The following SORCS2 variants were observed in gnomAD, a reference collection of about 807,000 sequenced individuals.
SORCS2 encodes sortilin related VPS10 domain containing receptor 2.
SORCS2 carries 100 observed loss-of-function variants against 141.6 expected under a neutral mutation model. The observed-to-expected ratio is 0.71, with a 90% CI of 0.60 to 0.83. The LOEUF (loss-of-function observed/expected upper bound fraction) is 0.83. SORCS2 is among the 40% of genes least tolerant of loss of function. SORCS2 has a pLI of 0.00. For missense variants in SORCS2, 1,646 were observed against 1,560.2 expected, an observed-to-expected ratio of 1.05 and a Z score of -0.93; for synonymous variants, 789 against 676.9, an observed-to-expected ratio of 1.17 and a Z score of -2.57.
chr4:7,674,112 A>G (rs1211237407), intron 8 of SORCS2, among the ~76,000 whole-genome samples: 1 of 151,436 alleles, frequency 6.6e-6, no homozygotes, highest in Non-Finnish European at 1.5e-5. Context: ...CCATGGTCCC[A>G]CTTCACACAT....
At chr4:7,661,286 A>T (rs983833201) in intron 5 of SORCS2, among the ~76,000 whole-genome samples, 3 of 151,082 alleles carry the variant, frequency 2.0e-5, no homozygotes, top group Admixed American at 6.6e-5. Context: ...AAACGCAGAG[A>T]CTCCAACCCC....
At chr4:7,238,839 C>T (rs983515512) in intron 1 of SORCS2, among the ~76,000 whole-genome samples, 6 of 152,172 alleles carry the variant, frequency 3.9e-5, no homozygotes, top group Non-Finnish European at 7.4e-5. Flanking sequence ...TGGGCTGGGC[C>T]AGTGAGCCCT....
intron 3 of SORCS2, among the ~76,000 whole-genome samples, chr4:7,562,435 G>A (rs78223584): frequency 2.6e-5 from 4 of 152,136 alleles, no homozygotes; most frequent in Non-Finnish European, 5.9e-5. Flanking sequence ...GGCTGTGAAC[G>A]CTGGGATAGT....
chr4:7,370,051 T>C (rs948621350), intron 1 of SORCS2, among the ~76,000 whole-genome samples: 1 of 152,200 alleles, frequency 6.6e-6, no homozygotes, highest in Admixed American at 6.5e-5. Flanking sequence ...GCTGGGATCA[T>C]GTAGGAATGG....
chr4:7,385,855 G>A (rs1339866359), intron 1 of SORCS2, among the ~76,000 whole-genome samples: 1 of 152,202 alleles, frequency 6.6e-6, no homozygotes, highest in African/African-American at 2.4e-5. Context: ...GGCCCTTGCT[G>A]GGGGAGAAAG....
At chr4:7,533,534 G>A (rs910773360) in intron 3 of SORCS2, among the ~76,000 whole-genome samples, 6 of 152,188 alleles carry the variant, frequency 3.9e-5, no homozygotes, top group Admixed American at 6.5e-5. Context: ...TCCATGCAGG[G>A]GACACTCCGC....
chr4:7,463,801 C>T lies in SORCS2; in HGVS notation c.548+67446C>T, dbSNP rs959286341. Among the ~76,000 whole-genome samples, 4 of 152,294 alleles carry T rather than the reference C, an allele frequency of 2.6e-5. No homozygotes were observed. In the South Asian group the frequency reaches 6.2e-4, roughly 24 times the overall value. On this transcript the variant is annotated intron_variant, in intron 2 of 26. Coordinates refer to ENST00000507866, the MANE Select transcript of SORCS2 (RefSeq NM_020777.3). ...GATTAGTGTTTCAGCAGGAGCCCTGCGCCGCCTACATACTGATGCGTGCCG... is the reference window on the plus strand; with the variant it reads ...GATTAGTGTTTCAGCAGGAGCCCTGTGCCGCCTACATACTGATGCGTGCCG...
intron 2 of SORCS2, among the ~76,000 whole-genome samples, chr4:7,498,430 A>G (rs377041130): frequency 4.9e-4 from 75 of 152,378 alleles, no homozygotes; most frequent in African/African-American, 1.7e-3. Flanking sequence ...GCAAGACGCC[A>G]GCAGCAAATC....
At chr4:7,446,187 GAGGGGAGGGA>G (rs1250977803) in intron 2 of SORCS2, among the ~76,000 whole-genome samples, 2 of 151,588 alleles carry the variant, frequency 1.3e-5, no homozygotes, top group Non-Finnish European at 2.9e-5. Flanking sequence ...GAGGGGAGGG[GAGGGGAGGGA>G]AGAAAAGAAC....
intron 2 of SORCS2, among the ~76,000 whole-genome samples, chr4:7,465,316 T>G (rs1018950543): frequency 2.6e-5 from 4 of 152,248 alleles, no homozygotes; most frequent in Non-Finnish European, 5.9e-5. Context: ...CTTTTCCTTT[T>G]TAATTTAGCA....
chr4:7,674,805 G>GAA (rs113543508), intron 8 of SORCS2, among the ~76,000 whole-genome samples: 64 of 112,628 alleles, frequency 5.7e-4, no homozygotes, highest in African/African-American at 1.5e-3. Context: ...TTATTGTACA[G>GAA]AAAAAAAAAA....
Position 7,667,233 on chromosome 4 carries a change from G to T in SORCS2, c.1161+20G>T, listed in dbSNP as rs768251905. 3.7e-6 allele frequency: 6 copies of T among 1,609,854 alleles called. No homozygotes were observed. The highest frequency in any genetic ancestry group is 5.1e-6 in the Non-Finnish European group (6 of 1,176,386). On this transcript the variant is annotated intron_variant, in intron 8 of 26. Transcript: ENST00000507866. ...CCAAAGGTAAGGTGCTCCCCATTCC[G>T]CCTGGTCCTGTGGCCAGACCCTAAG... is the stretch of plus-strand genomic sequence containing the variant.
intron 2 of SORCS2, among the ~76,000 whole-genome samples, chr4:7,456,821 G>A (rs551097474): frequency 6.6e-6 from 1 of 152,174 alleles, no homozygotes; most frequent in Admixed American, 6.5e-5. Flanking sequence ...GTGGAGGGAA[G>A]GATCACAGGC....
intron 1 of SORCS2, among the ~76,000 whole-genome samples, chr4:7,289,774 T>C (rs934252922): frequency 2.6e-5 from 4 of 152,118 alleles, no homozygotes; most frequent in Non-Finnish European, 5.9e-5. Flanking sequence ...CGGACGTGGG[T>C]GAACAAACAC....
rs565323375 is a variant in SORCS2 at position 7,443,562 on chromosome 4, A to T, written c.548+47207A>T. Among the ~76,000 whole-genome samples, 8 of 152,144 alleles carry T rather than the reference A, an allele frequency of 5.3e-5. No individual in the cohort carries two copies. In the East Asian group the frequency reaches 1.6e-3, roughly 29 times the overall value. ...GAAACTTCCAGCCACAGTGGCCCCA[A>T]CTCCAGACATTTAGAAGCCGTGTCC... On this transcript the variant is annotated intron_variant, in intron 2 of 26. Coordinates refer to ENST00000507866, the MANE Select transcript of SORCS2 (RefSeq NM_020777.3).
Position 7,729,673 on chromosome 4 carries a change from T to C in SORCS2, c.3069T>C (p.Pro1023=), listed in dbSNP as rs1403645902. Reference sequence around the variant, plus strand: ...CCGATCTGTACGTGCTCCTGCCCCCTCCCAGGCCCACAAGGAAGAGGAGCC... The same window carrying C: ...CCGATCTGTACGTGCTCCTGCCCCCCCCCAGGCCCACAAGGAAGAGGAGCC... ...TLADLYVLLP[P]PRPTRKRSLS... is the part of the protein sequence containing the mutation. The change falls in exon 23 of 27, where the codon CCT becomes CCC. Residue 1023 remains proline (P), a synonymous_variant. Coordinates refer to ENST00000507866, the MANE Select transcript of SORCS2 (RefSeq NM_020777.3). The C allele has an allele frequency of 6.2e-7, 1 of 1,609,178 alleles. No homozygotes were observed. The highest frequency in any genetic ancestry group is 8.5e-7 in the Non-Finnish European group (1 of 1,178,024).
At chr4:7,690,049 A>G (rs1334061905) in intron 11 of SORCS2, among the ~76,000 whole-genome samples, 2 of 137,624 alleles carry the variant, frequency 1.5e-5, no homozygotes, top group Admixed American at 1.4e-4. Flanking sequence ...TGATGGATAG[A>G]TGCTGAATTG....
intron 1 of SORCS2, among the ~76,000 whole-genome samples, chr4:7,383,959 A>G (rs959786933): frequency 5.3e-5 from 8 of 152,242 alleles, no homozygotes; most frequent in Non-Finnish European, 1.5e-5. Context: ...GCAATTTTCC[A>G]CAGATCAGCA....
At chr4:7,575,194 G>A (rs1333321651) in intron 3 of SORCS2, among the ~76,000 whole-genome samples, 1 of 152,116 alleles carries the variant, frequency 6.6e-6, no homozygotes, top group Non-Finnish European at 1.5e-5. Flanking sequence ...ACCCATCCTG[G>A]CACTCTCTGG....
Sources: gnomAD v4.1 joint callset for allele counts (sites outside exome capture counted in the v4.1 genomes callset) on GRCh38, gnomAD v4.1.1 for gene constraint, MANE v1.5 for transcripts, NCBI Gene and HGNC (gene_info 2026-07-23, HGNC 2026-07-21) for gene names.